Variants in COPB1 observed in about 807,000 individuals in gnomAD.
The protein encoded by COPB1 is coatomer subunit beta.
Under a neutral mutation model 108.7 loss-of-function variants are expected in COPB1, and 21 were observed. The ratio of observed to expected loss-of-function variants is 0.19; its 90% CI spans 0.14 to 0.28. The LOEUF is 0.28. Ranked by LOEUF, COPB1 falls within the 10% of genes least tolerant of loss-of-function variation. COPB1 has a pLI of 1.00. For synonymous variants in COPB1, 378 were observed against 386.8 expected (o/e 0.98, Z 0.27); for missense variants, 919 against 1,141.3 (o/e 0.81, Z 2.81).
At chr11:14,498,779 GTTTT>G (rs979429266) in intron 2 of COPB1, 55 bp downstream of exon 2, 13 of 1,372,924 alleles carry the variant, frequency 9.5e-6, no homozygotes, top group African/African-American at 5.9e-5. Context: ...TGAAATATGA[GTTTT>G]TTATTTTTGT....
intron 20 of COPB1, 42 bp downstream of exon 20, chr11:14,460,166 T>C: frequency 1.5e-6 from 2 of 1,294,362 alleles, no homozygotes; most frequent in Non-Finnish European, 2.2e-6. Flanking sequence ...GAACCTACTC[T>C]ACCATTCCAT....
chr11:14,472,187 C>T (rs2134104369), intron 14 of COPB1, among the ~76,000 whole-genome samples: 1 of 152,316 alleles, frequency 6.6e-6, no homozygotes. Context: ...GTTGAAACTA[C>T]TTGATCAGTG....
chr11:14,469,028 C>T lies in COPB1; in HGVS notation c.1966-168G>A, dbSNP rs184803562. Among the ~76,000 whole-genome samples, 6 of 152,250 alleles carry T rather than the reference C, an allele frequency of 3.9e-5. No individual in the cohort carries two copies. The East Asian group carries it at 7.7e-4, about 20-fold the overall frequency. On this transcript the variant is annotated intron_variant, in intron 15 of 21. Coordinates refer to ENST00000439561, the MANE Select transcript of COPB1 (RefSeq NM_001144061.2). Reference sequence around the variant, plus strand: ...TTTTTCTTCCTGAGACAGGCTGTTACTCTGTTGCCCAGGCGGAGTGCAGTG... The same window carrying T: ...TTTTTCTTCCTGAGACAGGCTGTTATTCTGTTGCCCAGGCGGAGTGCAGTG...
chr11:14,489,436 T>C (rs1850847051), intron 5 of COPB1, among the ~76,000 whole-genome samples: 2 of 152,358 alleles, frequency 1.3e-5, no homozygotes, highest in South Asian at 2.1e-4. Flanking sequence ...ACGTTCACAA[T>C]AGCATTATTC....
rs374039105 is a variant in COPB1 at position 14,485,072 on chromosome 11, C to T, written c.837+1295G>A. On this transcript the variant is annotated intron_variant, in intron 7 of 21. Coordinates refer to ENST00000439561, the MANE Select transcript of COPB1 (RefSeq NM_001144061.2). ...TTCACCTAGGCTGGAGTAATGATAG[C>T]TAACTGCAGTCTTGAACTCCTGGGC... Among the ~76,000 whole-genome samples the T allele has an allele frequency of 3.9e-5, 6 of 152,192 alleles. No homozygotes were observed. The East Asian group carries it at 7.7e-4, about 20-fold the overall frequency.
At chr11:14,488,716 G>A (rs1357484787) in intron 5 of COPB1, 132 bp from the exon 6 acceptor site, 2 of 425,076 alleles carry the variant, frequency 4.7e-6, no homozygotes, top group East Asian at 3.6e-5. Context: ...GAAATTAACT[G>A]GGAAAAAAAT....
rs776420485 is a variant in COPB1, at chr11:14,460,226, T to G, written c.2628A>C (p.Lys876Asn). The change falls in exon 20 of 22, where the codon AAA becomes AAC. Residue 876 changes from lysine to asparagine, a missense_variant. By Grantham distance (94) the Lys-to-Asn change is moderately conservative. Transcript: ENST00000439561. ...LQHILKSTNM[K>N]CLTPEKALSG... Reference sequence around the variant, plus strand: ...ATTTTACCTTTTCTGGAGTCAGGCATTTCATATTGGTTGACTTTAATATGT... The same window carrying G: ...ATTTTACCTTTTCTGGAGTCAGGCAGTTCATATTGGTTGACTTTAATATGT... 2.5e-6 allele frequency: 4 copies of G among 1,609,058 alleles called. No homozygotes were observed. In the African/African-American group the frequency reaches 5.4e-5, roughly 22 times the overall value.
At chr11:14,467,975 A>G (rs1156240149) in intron 16 of COPB1, among the ~76,000 whole-genome samples, 1 of 152,208 alleles carries the variant, frequency 6.6e-6, no homozygotes, top group Non-Finnish European at 1.5e-5. Context: ...ATGGCTGCAT[A>G]ACAATATGAA....
chr11:14,475,119 A>ATG (rs1565016788), intron 13 of COPB1, among the ~76,000 whole-genome samples: 1 of 133,464 alleles, frequency 7.5e-6, no homozygotes, highest in Non-Finnish European at 1.6e-5. Context: ...AAAAAAAAAA[A>ATG]GAAAACTTAT....
At chr11:14,471,730 C>T (rs1370988012) in intron 14 of COPB1, among the ~76,000 whole-genome samples, 4 of 152,102 alleles carry the variant, frequency 2.6e-5, no homozygotes, top group African/African-American at 9.7e-5. Context: ...CCAGCCTGGT[C>T]AACATGGTGA....
chr11:14,460,075 G>T, intron 20 of COPB1, 133 bp downstream of exon 20: 1 of 580,198 alleles, frequency 1.7e-6, no homozygotes, highest in Non-Finnish European at 3.0e-6. Flanking sequence ...ACATTCTATG[G>T]GATAACATCT....
chr11:14,464,502 A>G (rs1850234800), intron 18 of COPB1, among the ~76,000 whole-genome samples: 1 of 152,218 alleles, frequency 6.6e-6, no homozygotes, highest in Non-Finnish European at 1.5e-5. Flanking sequence ...GCTAATCCCT[A>G]GGTCTGAGAT....
intron 6 of COPB1, among the ~76,000 whole-genome samples, chr11:14,488,116 A>G (rs549710940): frequency 1.9e-4 from 29 of 152,342 alleles, no homozygotes; most frequent in Admixed American, 8.5e-4. Flanking sequence ...AGGGAACATA[A>G]AAAGTATTTA....
Position 14,487,832 on chromosome 11 carries a change from G to A in COPB1, c.699+660C>T, listed in dbSNP as rs977553507. Among the ~76,000 whole-genome samples the A allele has an allele frequency of 6.6e-5, 10 of 152,174 alleles. No individual in the cohort carries two copies. The South Asian group carries it at 1.2e-3, about 19-fold the overall frequency. ...CTATAATCAGTTAGTAATGTCTACC[G>A]GTGTTTTGACCATACTATCATATTT... On this transcript the variant is annotated intron_variant, in intron 6 of 21. Transcript: ENST00000439561.
At chr11:14,487,471 T>C (rs1480116837) in intron 6 of COPB1, among the ~76,000 whole-genome samples, 1 of 152,046 alleles carries the variant, frequency 6.6e-6, no homozygotes, top group African/African-American at 2.4e-5. Flanking sequence ...GGTCAGGAGT[T>C]TGGGACCAGC....
intron 5 of COPB1, 53 bp from the exon 6 acceptor site, chr11:14,488,637 C>T (rs900960973): frequency 9.0e-7 from 1 of 1,108,386 alleles, no homozygotes; most frequent in Non-Finnish European, 1.3e-6. Context: ...AATAGAAGGA[C>T]TTAATGCATC....
chr11:14,460,834 G>A (rs17566485), intron 19 of COPB1, among the ~76,000 whole-genome samples: 5,383 of 152,114 alleles, frequency 0.035, 133 homozygotes, highest in Middle Eastern at 0.062. Context: ...AAAAGTCAAG[G>A]CTCAAAGGGA....
chr11:14,476,011 A>G, intron 12 of COPB1, 66 bp from the exon 13 acceptor site: 1 of 1,374,794 alleles, frequency 7.3e-7, no homozygotes. Flanking sequence ...ATCTTTAAAT[A>G]TTTGATTGTT....
intron 2 of COPB1, among the ~76,000 whole-genome samples, chr11:14,497,722 C>T (rs1440392278): frequency 1.3e-5 from 2 of 152,100 alleles, no homozygotes; most frequent in African/African-American, 2.4e-5. Context: ...ATGAGTACAT[C>T]AAAGAGATAT....
Sources: gnomAD v4.1 joint callset for allele counts (sites outside exome capture counted in the v4.1 genomes callset) on GRCh38, gnomAD v4.1.1 for gene constraint, MANE v1.5 for transcripts, NCBI Gene and HGNC (gene_info 2026-07-23, HGNC 2026-07-21) for gene names.